The following TASP1 variants were observed in gnomAD, a reference collection of about 807,000 sequenced individuals.
TASP1 encodes taspase 1, also known as threonine aspartase 1.
In TASP1, 16 loss-of-function variants were observed where a neutral mutation model predicts 56.6. That is an observed-to-expected ratio of 0.28 (90% CI 0.19 to 0.43). TASP1 has a LOEUF of 0.43. TASP1 is among the 20% of genes least tolerant of loss of function. The pLI is 1.00. For synonymous variants in TASP1, 179 were observed against 184.2 expected, an observed-to-expected ratio of 0.97 and a Z score of 0.23; for missense variants, 393 against 511.6, an observed-to-expected ratio of 0.77 and a Z score of 2.24.
At chr20:13,391,497 A>G (rs2041275823) in intron 13 of TASP1, among the ~76,000 whole-genome samples, 1 of 152,200 alleles carries the variant, frequency 6.6e-6, no homozygotes, top group Non-Finnish European at 1.5e-5. Flanking sequence ...GCTTTTCCTA[A>G]GTACTGAAAC....
intron 4 of TASP1, among the ~76,000 whole-genome samples, chr20:13,587,754 C>T (rs2047361441): frequency 6.6e-6 from 1 of 151,488 alleles, no homozygotes; most frequent in South Asian, 2.1e-4. Flanking sequence ...AAAAAGGCAT[C>T]TGACAAAATC....
chr20:13,152,706 C>T, the TASP1 span, among the ~76,000 whole-genome samples: 1 of 152,202 alleles, frequency 6.6e-6, no homozygotes, highest in African/African-American at 2.4e-5. Context: ...CTGATTAAGA[C>T]TGGCCCTCAT....
chr20:13,585,889 C>T (rs956336094), intron 5 of TASP1, among the ~76,000 whole-genome samples: 3 of 152,120 alleles, frequency 2.0e-5, no homozygotes, highest in African/African-American at 4.8e-5. Context: ...AATCTCAGCA[C>T]TTTGGGAGGC....
the TASP1 span, among the ~76,000 whole-genome samples, chr20:13,178,994 A>C: frequency 6.6e-6 from 1 of 152,150 alleles, no homozygotes; most frequent in Non-Finnish European, 1.5e-5. Flanking sequence ...TAATTTGATT[A>C]CTATACTTTA....
intron 4 of TASP1, among the ~76,000 whole-genome samples, chr20:13,593,909 T>C (rs1443926954): frequency 6.6e-6 from 1 of 152,208 alleles, no homozygotes; most frequent in Non-Finnish European, 1.5e-5. Context: ...CAAGTGGGTC[T>C]CTGAGCCCCG....
chr20:13,501,303 T>A (rs532904618), intron 10 of TASP1, among the ~76,000 whole-genome samples: 1 of 152,106 alleles, frequency 6.6e-6, no homozygotes, highest in East Asian at 1.9e-4. Context: ...AAAGTGGAAC[T>A]CATTCAGTAA....
intron 8 of TASP1, among the ~76,000 whole-genome samples, chr20:13,556,230 A>G (rs1298185250): frequency 6.6e-6 from 1 of 152,144 alleles, no homozygotes; most frequent in Admixed American, 6.6e-5. Context: ...GCCAATAACT[A>G]TTGGCATCAA....
the TASP1 span, among the ~76,000 whole-genome samples, chr20:13,148,242 T>C: frequency 5.3e-5 from 8 of 151,998 alleles, no homozygotes; most frequent in Non-Finnish European, 8.8e-5. Flanking sequence ...TTTGTTTTTC[T>C]TCCCCTGACC....
chr20:13,427,511 A>G (rs2042658462), intron 12 of TASP1, among the ~76,000 whole-genome samples: 1 of 152,216 alleles, frequency 6.6e-6, no homozygotes, highest in Admixed American at 6.5e-5. Flanking sequence ...TAAATCATAT[A>G]CCATTTATAT....
chr20:13,354,549 G>A, the TASP1 span, among the ~76,000 whole-genome samples: 2 of 152,114 alleles, frequency 1.3e-5, no homozygotes, highest in Non-Finnish European at 2.9e-5. Flanking sequence ...ATTGTGAGGG[G>A]AAGAAAAAAG....
At chr20:13,339,656 C>T in the TASP1 span, among the ~76,000 whole-genome samples, 1 of 152,042 alleles carries the variant, frequency 6.6e-6, no homozygotes, top group African/African-American at 2.4e-5. Flanking sequence ...AAAAAGTGAT[C>T]TGCATAGGAT....
At chr20:13,590,676 G>A (rs1316372272) in intron 4 of TASP1, among the ~76,000 whole-genome samples, 6 of 152,024 alleles carry the variant, frequency 3.9e-5, no homozygotes, top group Middle Eastern at 3.4e-3. Context: ...GACCAGCCTG[G>A]CCAACATGGT....
intron 10 of TASP1, among the ~76,000 whole-genome samples, chr20:13,512,333 G>T (rs1230340102): frequency 6.6e-6 from 1 of 151,902 alleles, no homozygotes; most frequent in East Asian, 1.9e-4. Context: ...TTGTGGTTTT[G>T]ATTTGCATTT....
intron 4 of TASP1, among the ~76,000 whole-genome samples, chr20:13,607,896 C>A (rs1461828927): frequency 6.6e-6 from 1 of 152,110 alleles, no homozygotes; most frequent in Non-Finnish European, 1.5e-5. Flanking sequence ...GAACCTTGAA[C>A]CTGGGAGGCA....
chr20:13,587,129 A>G (rs1157031127), intron 5 of TASP1, 121 bp downstream of exon 5: 6 of 1,277,314 alleles, frequency 4.7e-6, no homozygotes, highest in East Asian at 5.1e-5. Context: ...TAAAAAAAGA[A>G]CATTTGTTTT....
chr20:13,191,964 G>C, the TASP1 span, among the ~76,000 whole-genome samples: 3 of 152,134 alleles, frequency 2.0e-5, no homozygotes, highest in Non-Finnish European at 2.9e-5. Context: ...TCAGCCTCCA[G>C]AATTGTGAGA....
chr20:13,357,679 C>T, the TASP1 span, among the ~76,000 whole-genome samples: 1 of 152,094 alleles, frequency 6.6e-6, no homozygotes, highest in East Asian at 1.9e-4. Context: ...AATATATACC[C>T]ACGCAAAGAC....
chr20:13,617,143 A>C (rs1289317962), intron 4 of TASP1: 1 of 444,510 alleles, frequency 2.2e-6, no homozygotes, highest in Non-Finnish European at 4.5e-6. Context: ...TAAAACAAAA[A>C]ATGCAGAGAA....
intron 12 of TASP1, among the ~76,000 whole-genome samples, chr20:13,425,821 A>T (rs1157099499): frequency 6.6e-6 from 1 of 151,796 alleles, no homozygotes; most frequent in Non-Finnish European, 1.5e-5. Flanking sequence ...TATCTTTAGA[A>T]AAAAAAAATG....
Sources: gnomAD v4.1 joint callset for allele counts (sites outside exome capture counted in the v4.1 genomes callset) on GRCh38, gnomAD v4.1.1 for gene constraint, MANE v1.5 for transcripts, NCBI Gene and HGNC (gene_info 2026-07-23, HGNC 2026-07-21) for gene names.